The following PLCB1 variants were observed in gnomAD, a reference collection of about 807,000 sequenced individuals.
PLCB1 encodes phospholipase C beta 1, also known as 1-phosphatidylinositol 4,5-bisphosphate phosphodiesterase beta-1.
In PLCB1, 46 loss-of-function variants were observed where a neutral mutation model predicts 161.8. The ratio of observed to expected loss-of-function variants is 0.28; its 90% CI spans 0.22 to 0.36. PLCB1 has a LOEUF of 0.36. PLCB1 is among the 10% of genes least tolerant of loss of function. PLCB1 has a pLI of 1.00. For synonymous variants in PLCB1, 517 were observed against 503.7 expected, an observed-to-expected ratio of 1.03 and a Z score of -0.35; for missense variants, 1,016 against 1,472.5, an observed-to-expected ratio of 0.69 and a Z score of 5.07.
At chr20:8,636,526 A>G (rs1490156463) in intron 4 of PLCB1, among the ~76,000 whole-genome samples, 1 of 152,246 alleles carries the variant, frequency 6.6e-6, no homozygotes, top group Non-Finnish European at 1.5e-5. Context: ...TTAAAAGCTC[A>G]TAAGTCAAAA....
At chr20:8,750,589 A>T (rs1981405607) in intron 23 of PLCB1, among the ~76,000 whole-genome samples, 1 of 152,194 alleles carries the variant, frequency 6.6e-6, no homozygotes, top group South Asian at 2.1e-4. Context: ...ACATCAGTAT[A>T]CTTCACTCCT....
At chr20:8,768,337 C>G (rs1982473039) in intron 26 of PLCB1, among the ~76,000 whole-genome samples, 2 of 152,096 alleles carry the variant, frequency 1.3e-5, no homozygotes, top group South Asian at 4.2e-4. Flanking sequence ...CAGTCTCTAC[C>G]TCCATTATCA....
Position 8,632,035 on chromosome 20 carries a change from C to CTTTTTTTTTTTT in PLCB1, c.384+3625_384+3636dup, listed in dbSNP as rs34028351. On this transcript the variant is annotated intron_variant, in intron 4 of 31. Transcript: ENST00000338037. The stretch of plus-strand genomic sequence containing the variant: ...AGGAGACAAATATGGGTTTTTTTTG[C>CTTTTTTTTTTTT]TTTTTTTTTTTTTTTTTTTTTTTTT... 2.8e-4 allele frequency among the ~76,000 whole-genome samples: 13 copies of CTTTTTTTTTTTT among 45,986 alleles called. 1 individual carries two copies. The highest frequency in any genetic ancestry group is 7.7e-4 in the East Asian group (1 of 1,294). 30.2% of individuals were successfully genotyped at this position (45,986 alleles called of 152,430 possible). A position where few individuals can be genotyped will look rare whatever the true frequency, so the allele number is the denominator to read the frequency against.
intron 2 of PLCB1, among the ~76,000 whole-genome samples, chr20:8,284,033 T>A (rs1982999152): frequency 6.6e-6 from 1 of 151,926 alleles, no homozygotes; most frequent in South Asian, 2.1e-4. Flanking sequence ...GGAAATTTGT[T>A]CTGTTACAAT....
At chr20:8,553,192 T>A (rs768228870) in intron 3 of PLCB1, among the ~76,000 whole-genome samples, 2 of 152,168 alleles carry the variant, frequency 1.3e-5, no homozygotes, top group Non-Finnish European at 2.9e-5. Context: ...CATGACACAA[T>A]AATCATAAAA....
intron 2 of PLCB1, among the ~76,000 whole-genome samples, chr20:8,305,190 C>T (rs1568624828): frequency 1.3e-5 from 2 of 152,130 alleles, no homozygotes; most frequent in African/African-American, 2.4e-5. Context: ...GCCATTTATT[C>T]CTTTTCTAGA....
chr20:8,807,834 GTTTATA>G lies in PLCB1; in HGVS notation c.3423+17578_3423+17583del, dbSNP rs1478033939. Among the ~76,000 whole-genome samples the G allele has an allele frequency of 3.9e-5, 6 of 152,068 alleles. No individual in the cohort carries two copies. In the East Asian group the frequency reaches 9.7e-4, roughly 25 times the overall value. On this transcript the variant is annotated intron_variant, in intron 31 of 31. Coordinates refer to ENST00000338037, the MANE Select transcript of PLCB1 (RefSeq NM_015192.4). ...TTGAATTTTTTATTTTATTTTAACT[GTTTATA>G]TTTAAATATAAATATAAACAGCCAC... is the stretch of plus-strand genomic sequence containing the variant.
intron 2 of PLCB1, among the ~76,000 whole-genome samples, chr20:8,226,116 G>A (rs898882971): frequency 6.6e-6 from 1 of 152,174 alleles, no homozygotes; most frequent in African/African-American, 2.4e-5. Context: ...CAGGTCTTCT[G>A]TGGTTATTGA....
chr20:8,486,670 T>G (rs1982744060), intron 3 of PLCB1, among the ~76,000 whole-genome samples: 1 of 151,046 alleles, frequency 6.6e-6, no homozygotes, highest in Non-Finnish European at 1.5e-5. Flanking sequence ...TAATTTTTTG[T>G]ATTTTTAGTA....
chr20:8,719,936 G>A (rs558878480), intron 14 of PLCB1, among the ~76,000 whole-genome samples: 3 of 151,946 alleles, frequency 2.0e-5, no homozygotes, highest in South Asian at 2.1e-4. Context: ...TTATTGTTTC[G>A]ATTAAAATCT....
chr20:8,855,967 C>T (rs555678760), intron 31 of PLCB1, among the ~76,000 whole-genome samples: 3 of 152,078 alleles, frequency 2.0e-5, no homozygotes, highest in Non-Finnish European at 2.9e-5. Flanking sequence ...TGAACAACCT[C>T]CTTCTCATTG....
intron 3 of PLCB1, among the ~76,000 whole-genome samples, chr20:8,458,907 C>T (rs1230808500): frequency 6.6e-6 from 1 of 152,152 alleles, no homozygotes; most frequent in Middle Eastern, 3.2e-3. Context: ...AACATGGTGT[C>T]TACACTTTGA....
intron 3 of PLCB1, among the ~76,000 whole-genome samples, chr20:8,418,424 T>C (rs1486713503): frequency 6.6e-6 from 1 of 152,160 alleles, no homozygotes; most frequent in Non-Finnish European, 1.5e-5. Flanking sequence ...CTTCAGAACA[T>C]GCAGATTTGT....
chr20:8,136,974 C>T (rs963777061), intron 1 of PLCB1, among the ~76,000 whole-genome samples: 14 of 152,066 alleles, frequency 9.2e-5, no homozygotes, highest in African/African-American at 1.5e-4. Context: ...TAACATTGCA[C>T]GTTCTGTCTT....
At chr20:8,497,548 T>C (rs1328483191) in intron 3 of PLCB1, among the ~76,000 whole-genome samples, 1 of 152,166 alleles carries the variant, frequency 6.6e-6, no homozygotes, top group Non-Finnish European at 1.5e-5. Flanking sequence ...TGAAGGCTGC[T>C]CATAACAGTT....
intron 31 of PLCB1, among the ~76,000 whole-genome samples, chr20:8,875,757 T>G (rs538744754): frequency 6.6e-6 from 1 of 151,968 alleles, no homozygotes; most frequent in Admixed American, 6.6e-5. Context: ...TTTGTTTCCT[T>G]AGGAAATTGG....
chr20:8,852,773 A>G (rs1986933136), intron 31 of PLCB1, among the ~76,000 whole-genome samples: 1 of 152,236 alleles, frequency 6.6e-6, no homozygotes, highest in African/African-American at 2.4e-5. Flanking sequence ...GTTTTCTTAT[A>G]ATATTTACCA....
At chr20:8,756,398 G>A (rs931154543) in intron 23 of PLCB1, among the ~76,000 whole-genome samples, 4 of 152,136 alleles carry the variant, frequency 2.6e-5, no homozygotes, top group Non-Finnish European at 5.9e-5. Flanking sequence ...TCCAAAATGT[G>A]TGTTCTTATC....
intron 3 of PLCB1, among the ~76,000 whole-genome samples, chr20:8,437,053 G>T (rs1980344938): frequency 6.6e-6 from 1 of 152,216 alleles, no homozygotes; most frequent in African/African-American, 2.4e-5. Flanking sequence ...GCCTCCTAAA[G>T]TGCCGGGATT....
Sources: allele counts gnomAD v4.1 joint callset (sites outside exome capture counted in the v4.1 genomes callset), GRCh38; gene constraint gnomAD v4.1.1; transcripts MANE v1.5; gene names NCBI Gene and HGNC (gene_info 2026-07-23, HGNC 2026-07-21).